GPM6A: variants seen among roughly 807,000 people sequenced by gnomAD.
GPM6A encodes neuronal membrane glycoprotein M6-a.
In GPM6A, 7 loss-of-function variants were observed where a neutral mutation model predicts 32.1. The ratio of observed to expected loss-of-function variants is 0.22; its 90% CI spans 0.12 to 0.41. The LOEUF (loss-of-function observed/expected upper bound fraction) is 0.41, where lower values mean the gene tolerates loss of function less well. Ranked by LOEUF, GPM6A falls within the 10% of genes least tolerant of loss-of-function variation. The pLI, the probability that GPM6A is intolerant of heterozygous loss-of-function variation, is 1.00. For synonymous variants in GPM6A, 130 were observed against 123.4 expected, an observed-to-expected ratio of 1.05 and a Z score of -0.35; for missense variants, 235 against 347.2, an observed-to-expected ratio of 0.68 and a Z score of 2.57.
intron 2 of GPM6A, among the ~76,000 whole-genome samples, chr4:175,686,987 A>T (rs1433318002): frequency 6.6e-6 from 1 of 152,226 alleles, no homozygotes; most frequent in African/African-American, 2.4e-5. Context: ...AAAACCAAAC[A>T]TTCCTGAGTA....
chr4:175,728,212 T>C (rs1159875852), intron 1 of GPM6A, among the ~76,000 whole-genome samples: 1 of 152,014 alleles, frequency 6.6e-6, no homozygotes, highest in Non-Finnish European at 1.5e-5. Context: ...TTTGAACACA[T>C]GCAAATGGTT....
chr4:175,713,866 T>C (rs1451640860), intron 1 of GPM6A, among the ~76,000 whole-genome samples: 1 of 152,204 alleles, frequency 6.6e-6, no homozygotes, highest in African/African-American at 2.4e-5. Flanking sequence ...CGGTTGTTGG[T>C]TTTCCTTGTC....
chr4:175,943,120 G>C (rs1579649349), intron 1 of GPM6A, among the ~76,000 whole-genome samples: 2 of 152,066 alleles, frequency 1.3e-5, no homozygotes, highest in African/African-American at 2.4e-5. Context: ...TGTATTCCTA[G>C]GTATTGTATT....
chr4:175,747,672 C>T (rs1732163046), intron 1 of GPM6A, among the ~76,000 whole-genome samples: 1 of 152,146 alleles, frequency 6.6e-6, no homozygotes, highest in Admixed American at 6.6e-5. Flanking sequence ...TTCAGCAAGT[C>T]TTAATCTTTT....
intron 2 of GPM6A, among the ~76,000 whole-genome samples, chr4:175,684,173 T>C (rs546611995): frequency 6.6e-6 from 1 of 152,306 alleles, no homozygotes; most frequent in East Asian, 1.9e-4. Flanking sequence ...TAGTTATTTC[T>C]TTATAGCAAT....
intron 1 of GPM6A, among the ~76,000 whole-genome samples, chr4:175,708,851 C>A (rs1472236294): frequency 2.6e-5 from 4 of 152,254 alleles, no homozygotes; most frequent in Admixed American, 2.6e-4. Context: ...TTTATACCAG[C>A]CTTGTAAAGT....
intron 1 of GPM6A, among the ~76,000 whole-genome samples, chr4:175,769,181 G>A (rs1177565200): frequency 6.6e-6 from 1 of 152,150 alleles, no homozygotes; most frequent in Admixed American, 6.6e-5. Context: ...TCAATTGAAA[G>A]GTAGTTTATT....
intron 2 of GPM6A, among the ~76,000 whole-genome samples, chr4:175,694,577 T>C (rs911929529): frequency 6.6e-6 from 1 of 152,152 alleles, no homozygotes; most frequent in Non-Finnish European, 1.5e-5. Context: ...GCATTCAAGA[T>C]GTGACCTGGC....
chr4:175,795,530 G>T (rs1022094911), intron 1 of GPM6A, among the ~76,000 whole-genome samples: 2 of 151,972 alleles, frequency 1.3e-5, no homozygotes, highest in Non-Finnish European at 2.9e-5. Flanking sequence ...AGGGAGGATT[G>T]CTTGAGACCA....
intron 3 of GPM6A, among the ~76,000 whole-genome samples, chr4:175,652,449 C>T (rs1741862291): frequency 6.6e-6 from 1 of 152,054 alleles, no homozygotes; most frequent in African/African-American, 2.4e-5. Context: ...TTACCATTAA[C>T]AAATATGGCA....
At chr4:175,949,328 G>A (rs1739725107) in intron 1 of GPM6A, among the ~76,000 whole-genome samples, 1 of 151,976 alleles carries the variant, frequency 6.6e-6, no homozygotes, top group African/African-American at 2.4e-5. Flanking sequence ...TGGTGGTGGT[G>A]GTAGAGACAG....
intron 1 of GPM6A, among the ~76,000 whole-genome samples, chr4:175,734,519 TC>T (rs1184924262): frequency 6.6e-6 from 1 of 152,054 alleles, no homozygotes; most frequent in Non-Finnish European, 1.5e-5. Context: ...TTTCAAGGTT[TC>T]TCAGTTTATG....
intron 3 of GPM6A, among the ~76,000 whole-genome samples, chr4:175,653,140 T>G (rs1741897000): frequency 6.6e-6 from 1 of 152,076 alleles, no homozygotes; most frequent in African/African-American, 2.4e-5. Context: ...TATACTAAAA[T>G]TAGCACTTTT....
At chr4:175,875,081 G>A (rs1371579612) in intron 1 of GPM6A, among the ~76,000 whole-genome samples, 2 of 151,964 alleles carry the variant, frequency 1.3e-5, no homozygotes, top group East Asian at 1.9e-4. Flanking sequence ...AGGCAGAAAT[G>A]TGTCCTAAGC....
intron 1 of GPM6A, among the ~76,000 whole-genome samples, chr4:175,765,470 T>G (rs1012063047): frequency 6.6e-6 from 1 of 152,206 alleles, no homozygotes; most frequent in Admixed American, 6.5e-5. Context: ...CCTGTAAAGA[T>G]CAAATCAAGA....
At chr4:175,750,431 C>A (rs1166277607) in intron 1 of GPM6A, among the ~76,000 whole-genome samples, 1 of 152,114 alleles carries the variant, frequency 6.6e-6, no homozygotes, top group Non-Finnish European at 1.5e-5. Flanking sequence ...GGGGCCCAGA[C>A]TTTAATGTGT....
chr4:175,673,787 C>A lies in GPM6A; in HGVS notation c.280G>T (p.Val94Leu). ...VIYGIAAAFF[V>L]YGILLMVEGF... ...TCCACCATCAGCAAAATGCCATACA[C>A]AAAGAACGCAGCTGCGATGCCGTAG... Residue 94 changes from valine to leucine, a missense_variant, in exon 3 of 7, where the codon GTG becomes TTG. Physicochemically the swap from Val to Leu is conservative, Grantham distance 32. Transcript: ENST00000393658. 1 of 1,611,926 alleles carries A rather than the reference C, an allele frequency of 6.2e-7. No individual in the cohort carries two copies. Among genetic ancestry groups the A allele is most frequent in the Non-Finnish European group, 8.5e-7 (1 of 1,178,316 alleles).
intron 1 of GPM6A, among the ~76,000 whole-genome samples, chr4:175,946,304 T>A (rs1431031559): frequency 1.3e-5 from 2 of 152,208 alleles, no homozygotes; most frequent in Non-Finnish European, 2.9e-5. Context: ...TTAGTTAATG[T>A]TCCTATCATC....
At chr4:175,834,311 T>C (rs1354947958) in intron 1 of GPM6A, among the ~76,000 whole-genome samples, 2 of 152,118 alleles carry the variant, frequency 1.3e-5, no homozygotes, top group African/African-American at 2.4e-5. Flanking sequence ...GACTCCACCA[T>C]CCCTTAGAAT....
Sources: allele counts gnomAD v4.1 joint callset (sites outside exome capture counted in the v4.1 genomes callset), GRCh38; gene constraint gnomAD v4.1.1; transcripts MANE v1.5; gene names NCBI Gene and HGNC (gene_info 2026-07-23, HGNC 2026-07-21).